Variants in SLC8A3 observed in about 807,000 individuals in gnomAD.
SLC8A3 encodes sodium/calcium exchanger 3.
A neutral mutation model predicts 65.4 loss-of-function variants in SLC8A3; 37 were observed. That is an observed-to-expected ratio of 0.57 (90% CI 0.44 to 0.74). The LOEUF (loss-of-function observed/expected upper bound fraction) is 0.74, where lower values mean the gene tolerates loss of function less well. Ranked by LOEUF, SLC8A3 falls within the 30% of genes least tolerant of loss-of-function variation. SLC8A3 has a pLI of 0.00. For synonymous variants in SLC8A3, 461 were observed against 444.5 expected, an observed-to-expected ratio of 1.04 and a Z score of -0.47; for missense variants, 1,112 against 1,172.1, an observed-to-expected ratio of 0.95 and a Z score of 0.75.
At chr14:70,173,195 C>T (rs1415331754) in intron 1 of SLC8A3, among the ~76,000 whole-genome samples, 1 of 152,132 alleles carries the variant, frequency 6.6e-6, no homozygotes, top group Middle Eastern at 3.2e-3. Context: ...ACCAATTTCA[C>T]CTAAGGGTTT....
chr14:70,132,215 G>A (rs1157533408), intron 2 of SLC8A3, among the ~76,000 whole-genome samples: 1 of 152,196 alleles, frequency 6.6e-6, no homozygotes. Flanking sequence ...ATTAGAATGG[G>A]AGAGAAGAAA....
intron 2 of SLC8A3, among the ~76,000 whole-genome samples, chr14:70,118,230 G>A (rs1483536286): frequency 6.6e-6 from 1 of 152,202 alleles, no homozygotes; most frequent in African/African-American, 2.4e-5. Flanking sequence ...TGGGAAAAAT[G>A]CCAGTGTTAC....
intron 2 of SLC8A3, among the ~76,000 whole-genome samples, chr14:70,158,662 T>A (rs1896715958): frequency 6.6e-6 from 1 of 152,196 alleles, no homozygotes; most frequent in South Asian, 2.1e-4. Flanking sequence ...TGTATGTTAA[T>A]CCTTAGCTAG....
intron 1 of SLC8A3, among the ~76,000 whole-genome samples, chr14:70,185,622 G>A (rs1361740715): frequency 6.6e-6 from 1 of 152,194 alleles, no homozygotes. Context: ...AGAAGAGCAG[G>A]AACAGAGAAG....
chr14:70,174,651 GTTTTTTTTTTGTTTT>G (rs1185714212), intron 1 of SLC8A3, among the ~76,000 whole-genome samples: 24 of 90,368 alleles, frequency 2.7e-4, no homozygotes, highest in African/African-American at 4.9e-4. Flanking sequence ...GACCAAATCC[GTTTTTTTTTTGTTTT>G]TTTTTTTTTT....
intron 2 of SLC8A3, among the ~76,000 whole-genome samples, chr14:70,111,900 A>G (rs756847745): frequency 1.3e-5 from 2 of 152,212 alleles, no homozygotes; most frequent in Non-Finnish European, 2.9e-5. Context: ...CCAGGGCACA[A>G]AGGCTGAAAG....
intron 1 of SLC8A3, among the ~76,000 whole-genome samples, chr14:70,183,007 A>G (rs1882887570): frequency 6.6e-6 from 1 of 152,214 alleles, no homozygotes; most frequent in African/African-American, 2.4e-5. Context: ...GTGCAAAGGA[A>G]GAATGCTGAC....
At chr14:70,113,331 T>C (rs1429606718) in intron 2 of SLC8A3, among the ~76,000 whole-genome samples, 2 of 152,176 alleles carry the variant, frequency 1.3e-5, no homozygotes, top group African/African-American at 4.8e-5. Context: ...TGGAACACAA[T>C]GGTAAGTATG....
chr14:70,154,486 C>T (rs747830296), intron 2 of SLC8A3, among the ~76,000 whole-genome samples: 12 of 152,150 alleles, frequency 7.9e-5, no homozygotes, highest in Non-Finnish European at 1.5e-4. Context: ...CCCAGCTGAA[C>T]AACATATATG....
intron 2 of SLC8A3, among the ~76,000 whole-genome samples, chr14:70,135,786 TG>T (rs752703092): frequency 6.6e-6 from 1 of 152,144 alleles, no homozygotes; most frequent in Non-Finnish European, 1.5e-5. Context: ...AGTTGGTTAA[TG>T]GGTGCAAAAG....
chr14:70,113,916 T>C (rs562668070), intron 2 of SLC8A3, among the ~76,000 whole-genome samples: 1 of 151,716 alleles, frequency 6.6e-6, no homozygotes, highest in African/African-American at 2.4e-5. Context: ...CATTTTTTTT[T>C]CCTGATGTTC....
intron 2 of SLC8A3, among the ~76,000 whole-genome samples, chr14:70,070,486 T>C (rs1484914822): frequency 1.3e-5 from 2 of 152,208 alleles, no homozygotes; most frequent in Non-Finnish European, 2.9e-5. Flanking sequence ...TCAAACAGTG[T>C]GGCTCTAAAG....
At chr14:70,085,083 T>G (rs1450294023) in intron 2 of SLC8A3, among the ~76,000 whole-genome samples, 3 of 152,080 alleles carry the variant, frequency 2.0e-5, no homozygotes, top group Non-Finnish European at 4.4e-5. Context: ...AAAAGACGAG[T>G]AAGACATTGT....
intron 1 of SLC8A3, among the ~76,000 whole-genome samples, chr14:70,174,662 G>GTTTTTTTTTTTTTT (rs10527244): frequency 6.0e-5 from 4 of 66,518 alleles, no homozygotes; most frequent in African/African-American, 1.0e-4. Context: ...TTTTTTTTTT[G>GTTTTTTTTTTTTTT]TTTTTTTTTT....
chr14:70,058,958 G>A (rs1017691481), intron 3 of SLC8A3: 4 of 152,246 alleles, frequency 2.6e-5, no homozygotes, highest in Admixed American at 2.0e-4. Flanking sequence ...GTGGGAATGA[G>A]GTAGGGCAGG....
At chr14:70,051,793 A>C (rs990548070) in intron 4 of SLC8A3, among the ~76,000 whole-genome samples, 197 bp downstream of exon 4, 11 of 152,200 alleles carry the variant, frequency 7.2e-5, no homozygotes, top group African/African-American at 2.7e-4. Flanking sequence ...GTTTCCTAAC[A>C]ATATTCCTAG....
intron 2 of SLC8A3, among the ~76,000 whole-genome samples, chr14:70,073,652 C>T (rs1427440956): frequency 6.6e-6 from 1 of 152,148 alleles, no homozygotes; most frequent in Non-Finnish European, 1.5e-5. Flanking sequence ...TGATTCATGG[C>T]TTTAGAGATG....
intron 2 of SLC8A3, among the ~76,000 whole-genome samples, chr14:70,104,345 G>A (rs867706541): frequency 2.2e-4 from 33 of 152,070 alleles, no homozygotes; most frequent in African/African-American, 6.5e-4. Context: ...CACAAGGAAT[G>A]TTCACCAAGA....
chr14:70,157,653 C>A (rs986294065), intron 2 of SLC8A3, among the ~76,000 whole-genome samples: 2 of 152,148 alleles, frequency 1.3e-5, no homozygotes, highest in Non-Finnish European at 2.9e-5. Context: ...AAACATGTCA[C>A]CCAGGAGGGA....
Sources: allele counts gnomAD v4.1 joint callset (sites outside exome capture counted in the v4.1 genomes callset), GRCh38; gene constraint gnomAD v4.1.1; transcripts MANE v1.5; gene names NCBI Gene and HGNC (gene_info 2026-07-23, HGNC 2026-07-21).